Variants in ROBO2 observed in about 807,000 individuals in gnomAD.
ROBO2 encodes the protein roundabout homolog 2.
Under a neutral mutation model 160.8 loss-of-function variants are expected in ROBO2, and 53 were observed. That is an observed-to-expected ratio of 0.33 (90% CI 0.26 to 0.41). The LOEUF (loss-of-function observed/expected upper bound fraction) is 0.41. Ranked by LOEUF, ROBO2 falls within the 10% of genes least tolerant of loss-of-function variation. The pLI, the probability that ROBO2 is intolerant of heterozygous loss-of-function variation, is 1.00. For missense variants in ROBO2, 1,577 were observed against 1,722.4 expected, an observed-to-expected ratio of 0.92 and a Z score of 1.49; for synonymous variants, 664 against 611.7, an observed-to-expected ratio of 1.09 and a Z score of -1.26.
At chr3:76,541,849 C>T (rs1238970185) in intron 2 of ROBO2, among the ~76,000 whole-genome samples, 1 of 152,196 alleles carries the variant, frequency 6.6e-6, no homozygotes, top group African/African-American at 2.4e-5. Context: ...TTGTTCAAAA[C>T]AGCCTCCAGG....
intron 2 of ROBO2, among the ~76,000 whole-genome samples, chr3:76,393,030 T>G (rs1021752957): frequency 1.3e-5 from 2 of 152,168 alleles, no homozygotes; most frequent in African/African-American, 4.8e-5. Context: ...AACTCCCCCT[T>G]GCTGATAACT....
chr3:77,079,452 T>A (rs1197628692), intron 1 of ROBO2, among the ~76,000 whole-genome samples: 2 of 152,164 alleles, frequency 1.3e-5, no homozygotes, highest in African/African-American at 2.4e-5. Flanking sequence ...GGCCAATTCA[T>A]CATGTGGCTA....
chr3:76,210,568 GCTT>G (rs1451075466), intron 2 of ROBO2, among the ~76,000 whole-genome samples: 2 of 152,016 alleles, frequency 1.3e-5, no homozygotes, highest in African/African-American at 4.8e-5. Flanking sequence ...CTGATTAAGA[GCTT>G]CTTTCTATGT....
chr3:76,695,278 G>A (rs1706293888), intron 2 of ROBO2, among the ~76,000 whole-genome samples: 1 of 152,152 alleles, frequency 6.6e-6, no homozygotes, highest in Admixed American at 6.6e-5. Context: ...GCATCAGTGG[G>A]AAGATAGTGT....
At chr3:76,347,253 AT>A (rs1051747235) in intron 2 of ROBO2, among the ~76,000 whole-genome samples, 4 of 152,070 alleles carry the variant, frequency 2.6e-5, no homozygotes, top group Non-Finnish European at 5.9e-5. Context: ...TGACCTGAGG[AT>A]TTATTAGTTA....
rs150096251 is a variant in ROBO2, at chr3:76,714,148, C to T, written c.110-383866C>T. ...ACAATGGTCTTGTGTAGAAATCTTC[C>T]ATACACTCCAAAATTAGGAGGAAAA... On this transcript the variant is annotated intron_variant, in intron 2 of 26. Coordinates refer to the ROBO2 transcript ENST00000487694. Among the ~76,000 whole-genome samples, 12 of 152,140 alleles carry T rather than the reference C, an allele frequency of 7.9e-5. No homozygotes were observed. In the East Asian group the frequency reaches 2.1e-3, roughly 27 times the overall value.
chr3:77,477,155 T>C (rs959841771), intron 2 of ROBO2, among the ~76,000 whole-genome samples: 1 of 152,154 alleles, frequency 6.6e-6, no homozygotes, highest in African/African-American at 2.4e-5. Flanking sequence ...ACATGAATAT[T>C]TCTCATTTTT....
At chr3:76,943,961 A>T (rs1403325350) in intron 2 of ROBO2, among the ~76,000 whole-genome samples, 1 of 152,204 alleles carries the variant, frequency 6.6e-6, no homozygotes, top group Non-Finnish European at 1.5e-5. Context: ...GGGCTTATTT[A>T]TCTAATTCAA....
chr3:76,438,081 T>C (rs771463419), intron 2 of ROBO2, among the ~76,000 whole-genome samples: 3 of 152,160 alleles, frequency 2.0e-5, no homozygotes, highest in South Asian at 2.1e-4. Context: ...ACTATAACTT[T>C]GTTGGATTTG....
At chr3:77,118,171 G>A (rs1320773090) in intron 2 of ROBO2, among the ~76,000 whole-genome samples, 4 of 152,154 alleles carry the variant, frequency 2.6e-5, no homozygotes, top group Admixed American at 6.6e-5. Flanking sequence ...CTATAGTTCT[G>A]TGGAAACCTT....
chr3:77,617,981 A>T (rs911221500), intron 22 of ROBO2: 3 of 591,554 alleles, frequency 5.1e-6, no homozygotes, highest in Non-Finnish European at 8.9e-6. Context: ...CTAGAACTGG[A>T]ACTGGAGCTG....
At chr3:76,322,184 ATATATATATATATATATAT>A (rs2072600718) in intron 2 of ROBO2, among the ~76,000 whole-genome samples, 1 of 59,134 alleles carries the variant, frequency 1.7e-5, no homozygotes, top group East Asian at 4.8e-4. Context: ...ATATATATAT[ATATATATATATATATATAT>A]AATATACACA....
At chr3:77,467,612 TATCTATCTATCTATCTATC>T (rs1168802160) in intron 2 of ROBO2, among the ~76,000 whole-genome samples, 1 of 150,598 alleles carries the variant, frequency 6.6e-6, no homozygotes, top group African/African-American at 2.4e-5. Context: ...TCTATCTATC[TATCTATCTATCTATCTATC>T]ATCTATCTAT....
At chr3:76,921,707 T>C (rs1425582569) in intron 2 of ROBO2, among the ~76,000 whole-genome samples, 1 of 152,202 alleles carries the variant, frequency 6.6e-6, no homozygotes, top group African/African-American at 2.4e-5. Context: ...CTTTCTTTTT[T>C]TGGTGAAGCA....
chr3:77,455,587 A>C (rs770974912), intron 2 of ROBO2, among the ~76,000 whole-genome samples: 1 of 151,762 alleles, frequency 6.6e-6, no homozygotes, highest in Non-Finnish European at 1.5e-5. Flanking sequence ...ACACACCACC[A>C]CGCCCAGCTA....
At chr3:76,704,701 A>G (rs537434040) in intron 2 of ROBO2, among the ~76,000 whole-genome samples, 19 of 152,220 alleles carry the variant, frequency 1.2e-4, no homozygotes, top group Non-Finnish European at 2.2e-4. Flanking sequence ...AGGAGATAGC[A>G]TGAGGTTTTC....
intron 2 of ROBO2, among the ~76,000 whole-genome samples, chr3:76,995,819 T>C (rs2060967179): frequency 6.6e-6 from 1 of 152,192 alleles, no homozygotes; most frequent in Non-Finnish European, 1.5e-5. Context: ...TCTTGTAAAT[T>C]TGTTTGAGTG....
At chr3:77,563,569 T>C (rs190830977) in intron 11 of ROBO2, among the ~76,000 whole-genome samples, 1 of 152,294 alleles carries the variant, frequency 6.6e-6, no homozygotes, top group Admixed American at 6.5e-5. Context: ...GTTCATAACA[T>C]AATCACTTAG....
At chr3:77,349,459 A>G (rs1437090884) in intron 2 of ROBO2, among the ~76,000 whole-genome samples, 1 of 152,186 alleles carries the variant, frequency 6.6e-6, no homozygotes, top group Middle Eastern at 3.2e-3. Flanking sequence ...GAAATAAAGA[A>G]ATAAGATTGC....
Sources: gnomAD v4.1 joint callset for allele counts (sites outside exome capture counted in the v4.1 genomes callset) on GRCh38, gnomAD v4.1.1 for gene constraint, MANE v1.5 for transcripts, NCBI Gene and HGNC (gene_info 2026-07-23, HGNC 2026-07-21) for gene names.